EIF3H: variants seen among roughly 807,000 people sequenced by gnomAD.
EIF3H encodes eukaryotic translation initiation factor 3 subunit H, also known as eIF-3-gamma.
Under a neutral mutation model 44.2 loss-of-function variants are expected in EIF3H, and 26 were observed. That is an observed-to-expected ratio of 0.59 (90% CI 0.43 to 0.82). The LOEUF is 0.82. EIF3H is among the 40% of genes least tolerant of loss of function. The pLI is 0.00. For synonymous variants in EIF3H, 166 were observed against 151.9 expected, an observed-to-expected ratio of 1.09 and a Z score of -0.68; for missense variants, 359 against 432.8, an observed-to-expected ratio of 0.83 and a Z score of 1.51.
intron 1 of EIF3H, among the ~76,000 whole-genome samples, chr8:116,752,669 A>G (rs1178136865): frequency 2.3e-3 from 41 of 17,520 alleles, no homozygotes; most frequent in African/African-American, 6.7e-3. Flanking sequence ...AGAAATGAAG[A>G]AAGAAAGAAA....
upstream of EIF3H, among the ~76,000 whole-genome samples, chr8:116,758,460 A>T (rs1052874202): frequency 2.0e-5 from 3 of 152,194 alleles, no homozygotes; most frequent in Non-Finnish European, 4.4e-5. Context: ...AACTATGGAG[A>T]AAATCAATAG....
intron 2 of EIF3H, among the ~76,000 whole-genome samples, chr8:116,669,961 T>C (rs1211693731): frequency 2.0e-5 from 3 of 152,072 alleles, no homozygotes; most frequent in Non-Finnish European, 4.4e-5. Context: ...CATTCCAAGC[T>C]AAGAAAAATG....
intron 3 of EIF3H, 90 bp downstream of exon 3, chr8:116,658,723 G>T: frequency 1.5e-6 from 2 of 1,363,426 alleles, no homozygotes; most frequent in Non-Finnish European, 2.0e-6. Flanking sequence ...GAGAAGGCCT[G>T]CCAGACTGCT....
intron 7 of EIF3H, among the ~76,000 whole-genome samples, chr8:116,646,259 A>G (rs1813295908): frequency 6.6e-6 from 1 of 152,230 alleles, no homozygotes; most frequent in Non-Finnish European, 1.5e-5. Flanking sequence ...TTAGAAACAC[A>G]GAGTGAAGCA....
intron 1 of EIF3H, among the ~76,000 whole-genome samples, chr8:116,764,197 T>C (rs773078795): frequency 3.9e-5 from 6 of 152,208 alleles, no homozygotes; most frequent in Non-Finnish European, 5.9e-5. Context: ...AAACTAGCAA[T>C]GCTGTTATAA....
intron 2 of EIF3H, among the ~76,000 whole-genome samples, chr8:116,663,851 A>G (rs1813623576): frequency 6.7e-6 from 1 of 149,580 alleles, no homozygotes. Flanking sequence ...GAATTGTTTG[A>G]GCCCGTGAGG....
At chr8:116,653,626 A>C (rs1193097055) in intron 5 of EIF3H, among the ~76,000 whole-genome samples, 1 of 152,184 alleles carries the variant, frequency 6.6e-6, no homozygotes, top group Admixed American at 6.5e-5. Context: ...GTATCAATTT[A>C]TGCTTATAAT....
intron 1 of EIF3H, among the ~76,000 whole-genome samples, chr8:116,746,935 T>G (rs1815247510): frequency 6.6e-6 from 1 of 151,920 alleles, no homozygotes; most frequent in Non-Finnish European, 1.5e-5. Flanking sequence ...AGGCACCAAC[T>G]AGAAACATAA....
intron 2 of EIF3H, among the ~76,000 whole-genome samples, chr8:116,682,697 A>T (rs908245028): frequency 2.0e-5 from 3 of 152,246 alleles, no homozygotes; most frequent in Admixed American, 6.5e-5. Context: ...AATTAAGGTT[A>T]TACAGAGTAG....
chr8:116,712,121 G>A (rs962896534), intron 2 of EIF3H, among the ~76,000 whole-genome samples: 3 of 152,194 alleles, frequency 2.0e-5, no homozygotes, highest in East Asian at 1.9e-4. Context: ...CGCCGCTGCT[G>A]CTGCTGTCAT....
intron 2 of EIF3H, among the ~76,000 whole-genome samples, chr8:116,673,396 T>C (rs1813790224): frequency 6.6e-6 from 1 of 152,214 alleles, no homozygotes; most frequent in African/African-American, 2.4e-5. Flanking sequence ...GGTATTTAGA[T>C]GCGGTTTTCA....
intron 2 of EIF3H, among the ~76,000 whole-genome samples, chr8:116,668,683 C>A (rs1289597163): frequency 6.6e-6 from 1 of 152,006 alleles, no homozygotes; most frequent in East Asian, 1.9e-4. Context: ...ACTAGACTGG[C>A]CTCCTCTGTT....
At chr8:116,650,915 C>CCACT (rs1386115698) in intron 5 of EIF3H, among the ~76,000 whole-genome samples, 1 of 152,148 alleles carries the variant, frequency 6.6e-6, no homozygotes, top group Non-Finnish European at 1.5e-5. Context: ...CAGCCATGAG[C>CCACT]CACTGTTCCT....
intron 6 of EIF3H, among the ~76,000 whole-genome samples, chr8:116,648,145 T>C (rs754669049): frequency 6.6e-6 from 1 of 152,192 alleles, no homozygotes; most frequent in Admixed American, 6.5e-5. Flanking sequence ...ATATAAATAC[T>C]ACTTTCACAG....
At chr8:116,737,270 G>A (rs1160539438) in intron 1 of EIF3H, 1 of 447,550 alleles carries the variant, frequency 2.2e-6, no homozygotes, top group Non-Finnish European at 4.4e-6. Context: ...TTCTATCTAC[G>A]TACTTGAAGG....
intron 1 of EIF3H, among the ~76,000 whole-genome samples, chr8:116,749,229 AG>A (rs1005352428): frequency 3.3e-5 from 5 of 152,208 alleles, no homozygotes; most frequent in Non-Finnish European, 7.4e-5. Context: ...CTCAATGAGA[AG>A]GGGAAAATAT....
At chr8:116,694,775 T>C (rs1017785217) in intron 2 of EIF3H, among the ~76,000 whole-genome samples, 1 of 152,148 alleles carries the variant, frequency 6.6e-6, no homozygotes, top group Non-Finnish European at 1.5e-5. Flanking sequence ...CCAAAAGAAG[T>C]TTTCTTAACA....
intron 1 of EIF3H, among the ~76,000 whole-genome samples, chr8:116,737,517 A>T (rs1253747688): frequency 2.6e-5 from 4 of 151,854 alleles, no homozygotes; most frequent in South Asian, 4.1e-4. Flanking sequence ...TTGGCCAGAT[A>T]TGGTGGCTGG....
chr8:116,758,175 T>A (rs1174276909), upstream of EIF3H, among the ~76,000 whole-genome samples: 1 of 152,136 alleles, frequency 6.6e-6, no homozygotes, highest in Non-Finnish European at 1.5e-5. Context: ...GAAAAATATA[T>A]CATGTAACCA....
Sources: allele counts gnomAD v4.1 joint callset (sites outside exome capture counted in the v4.1 genomes callset), GRCh38; gene constraint gnomAD v4.1.1; transcripts MANE v1.5; gene names NCBI Gene and HGNC (gene_info 2026-07-23, HGNC 2026-07-21).